Variants in DMXL2 observed in about 807,000 individuals in gnomAD.
The protein encoded by DMXL2 is dmX-like protein 2.
A neutral mutation model predicts 331.1 loss-of-function variants in DMXL2; 103 were observed. The ratio of observed to expected loss-of-function variants is 0.31; its 90% CI spans 0.27 to 0.37. The LOEUF is 0.37. Ranked by LOEUF, DMXL2 falls within the 10% of genes least tolerant of loss-of-function variation. DMXL2 has a pLI of 1.00. For synonymous variants in DMXL2, 1,281 were observed against 1,252.1 expected, an observed-to-expected ratio of 1.02 and a Z score of -0.49; for missense variants, 3,171 against 3,642.9, an observed-to-expected ratio of 0.87 and a Z score of 3.33.
At chr15:51,449,434 A>ATC (rs2038941594) in intron 43 of DMXL2, among the ~76,000 whole-genome samples, 1 of 152,186 alleles carries the variant, frequency 6.6e-6, no homozygotes, top group Non-Finnish European at 1.5e-5. Context: ...TATGTAGCCC[A>ATC]TCTCTAATTC....
chr15:51,525,364 G>A (rs1382096319), intron 13 of DMXL2, among the ~76,000 whole-genome samples: 3 of 152,032 alleles, frequency 2.0e-5, no homozygotes, highest in Non-Finnish European at 4.4e-5. Flanking sequence ...GAAAAGGAGG[G>A]GCAATGTGCT....
Position 51,576,183 on chromosome 15 carries a change from T to TAAAAAAAAAAAA in DMXL2, c.88-14_88-3dup, listed in dbSNP as rs3078066. On this transcript the variant is annotated splice_region_variant and splice_polypyrimidine_tract_variant and intron_variant, in intron 1 of 43. Transcript: ENST00000560891. ...AATATCACAGCCTGATCCATATGCC[T>TAAAAAAAAAAAA]AAAAAAAAAAAAAAAAAAAAGTTTT... The TAAAAAAAAAAAA allele has an allele frequency of 9.7e-3, 6,077 of 626,102 alleles. 769 individuals carry two copies. Among genetic ancestry groups the TAAAAAAAAAAAA allele is most frequent in the Non-Finnish European group, 0.01 (5,083 of 492,464 alleles). The allele number at this position is 626,102 out of a possible 1,614,324, so 38.8% of individuals were successfully genotyped here. A position where few individuals can be genotyped will look rare whatever the true frequency, so the allele number is the denominator to read the frequency against.
intron 36 of DMXL2, among the ~76,000 whole-genome samples, 186 bp downstream of exon 36, chr15:51,458,320 G>A (rs1047679076): frequency 6.6e-6 from 1 of 152,164 alleles, no homozygotes; most frequent in Non-Finnish European, 1.5e-5. Flanking sequence ...AGGGTTTAAT[G>A]GAAGTGTAAT....
chr15:51,475,085 A>ACAG (rs1402786720), intron 27 of DMXL2, among the ~76,000 whole-genome samples: 5 of 152,246 alleles, frequency 3.3e-5, no homozygotes, highest in African/African-American at 1.2e-4. Flanking sequence ...ATCAAAGTTA[A>ACAG]CAGCAGCTGG....
chr15:51,507,620 AAGC>A (rs1330672057), intron 15 of DMXL2, among the ~76,000 whole-genome samples: 6 of 152,304 alleles, frequency 3.9e-5, no homozygotes. Flanking sequence ...AAAGGAAAGA[AAGC>A]AGCAGCAGAA....
rs200609180 is a variant in DMXL2 at position 51,476,657 on chromosome 15, C to T, written c.6896G>A (p.Arg2299His). 985 of 1,611,228 alleles carry T rather than the reference C, an allele frequency of 6.1e-4. 8 individuals carry two copies. In the South Asian group the frequency reaches 8.9e-3, roughly 15 times the overall value. The change falls in exon 27 of 44, where the codon CGT becomes CAT. Residue 2299 changes from arginine to histidine, a missense_variant. Coordinates refer to ENST00000560891, the MANE Select transcript of DMXL2 (RefSeq NM_001378457.1). ...AATGCTTTCTGTCCTTAGTCTTCTA[C>T]GATCACTTAAAAGAAGTCCTTGATA... Reference protein sequence around the residue: ...MAYQGLLLSDRRRLRTESIEE... With the variant: ...MAYQGLLLSDHRRLRTESIEE...
intron 25 of DMXL2, among the ~76,000 whole-genome samples, chr15:51,479,654 GTTCAT>G (rs1031275628): frequency 1.3e-5 from 2 of 152,080 alleles, no homozygotes; most frequent in Non-Finnish European, 2.9e-5. Context: ...CAACTTAATG[GTTCAT>G]TTAAGGGGAA....
intron 13 of DMXL2, among the ~76,000 whole-genome samples, chr15:51,523,874 A>G (rs150197630): frequency 2.0e-5 from 3 of 152,382 alleles, no homozygotes; most frequent in African/African-American, 7.2e-5. Context: ...ACAAATTCAC[A>G]ATATAGTTGG....
intron 6 of DMXL2, among the ~76,000 whole-genome samples, chr15:51,555,076 T>C (rs1294686990): frequency 6.6e-6 from 1 of 152,148 alleles, no homozygotes; most frequent in Non-Finnish European, 1.5e-5. Flanking sequence ...AAGAATTGCT[T>C]GAACCCAGGA....
chr15:51,577,434 T>C (rs1367161650), intron 1 of DMXL2, among the ~76,000 whole-genome samples: 2 of 152,166 alleles, frequency 1.3e-5, no homozygotes, highest in East Asian at 3.9e-4. Flanking sequence ...AACCCATGTG[T>C]TTATAAAAAT....
chr15:51,586,706 A>G (rs1203203262), intron 1 of DMXL2, among the ~76,000 whole-genome samples: 1 of 152,140 alleles, frequency 6.6e-6, no homozygotes, highest in African/African-American at 2.4e-5. Flanking sequence ...TACCTCTGAT[A>G]AAGAAGAAAA....
Position 51,448,914 on chromosome 15 carries a change from G to A in DMXL2, c.*70C>T. The A allele has an allele frequency of 7.0e-7, 1 of 1,434,884 alleles. No individual in the cohort carries two copies. Among genetic ancestry groups the A allele is most frequent in the Non-Finnish European group, 9.6e-7 (1 of 1,038,494 alleles). 88.9% of individuals were successfully genotyped at this position (1,434,884 alleles called of 1,614,324 possible). On this transcript the variant is annotated 3_prime_UTR_variant, in exon 44 of 44. Coordinates refer to ENST00000560891, the MANE Select transcript of DMXL2 (RefSeq NM_001378457.1). ...TGTTTTCAATACAACTGCTTAGAAA[G>A]CAGAATTGCCTAGTGATGACTGTAG...
At chr15:51,597,168 C>G (rs2052882847) in intron 1 of DMXL2, among the ~76,000 whole-genome samples, 1 of 152,092 alleles carries the variant, frequency 6.6e-6, no homozygotes, top group African/African-American at 2.4e-5. Context: ...AGAGGTGTAC[C>G]TAAAACATCC....
chr15:51,474,814 TAAG>T (rs2041429658), intron 27 of DMXL2, among the ~76,000 whole-genome samples: 1 of 152,112 alleles, frequency 6.6e-6, no homozygotes, highest in Admixed American at 6.5e-5. Context: ...AAACAAAAGG[TAAG>T]AAGGGGAAGC....
intron 16 of DMXL2, among the ~76,000 whole-genome samples, chr15:51,504,989 A>G (rs1462227392): frequency 1.3e-5 from 2 of 152,250 alleles, no homozygotes; most frequent in Non-Finnish European, 2.9e-5. Context: ...GTGACAAACC[A>G]TATAATGGGA....
At chr15:51,568,416 T>G in intron 3 of DMXL2, 71 bp downstream of exon 3, 1 of 1,090,520 alleles carries the variant, frequency 9.2e-7, no homozygotes, top group South Asian at 1.6e-5. Context: ...CTAAGGAGCT[T>G]TTTATTAACA....
At chr15:51,551,678 G>A (rs2049231092) in intron 6 of DMXL2, among the ~76,000 whole-genome samples, 1 of 150,518 alleles carries the variant, frequency 6.6e-6, no homozygotes, top group African/African-American at 2.5e-5. Context: ...GTACAACTAT[G>A]GAACATTTAC....
In DMXL2 at chr15:51,549,292, C is replaced by T. The variant is rs563587398; in HGVS notation, c.568-1884G>A. ...AGGTTGCTGCGAATGTCATTTCATT[C>T]CTTTTTATGGCTGAATAGCATTCCA... On this transcript the variant is annotated intron_variant, in intron 6 of 43. Coordinates refer to ENST00000560891, the MANE Select transcript of DMXL2 (RefSeq NM_001378457.1). Among the ~76,000 whole-genome samples, 4 of 151,280 alleles carry T rather than the reference C, an allele frequency of 2.6e-5. No homozygotes were observed. In the South Asian group the frequency reaches 8.3e-4, roughly 32 times the overall value.
chr15:51,548,107 A>G (rs1019491988), intron 6 of DMXL2, among the ~76,000 whole-genome samples: 1 of 152,166 alleles, frequency 6.6e-6, no homozygotes, highest in South Asian at 2.1e-4. Context: ...GCACTGACTT[A>G]ATCATTTTAC....
Sources: gnomAD v4.1 joint callset for allele counts (sites outside exome capture counted in the v4.1 genomes callset) on GRCh38, gnomAD v4.1.1 for gene constraint, MANE v1.5 for transcripts, NCBI Gene and HGNC (gene_info 2026-07-23, HGNC 2026-07-21) for gene names.